Variants in OPN3 observed in about 807,000 individuals in gnomAD.
The protein encoded by OPN3 is opsin 3.
OPN3 carries 29 observed loss-of-function variants against 33.8 expected under a neutral mutation model. The observed-to-expected ratio is 0.86, with a 90% CI of 0.64 to 1.17. OPN3 has a LOEUF of 1.17. OPN3 is among the 50% of genes most tolerant of loss of function. The pLI is 0.00. For synonymous variants in OPN3, 216 were observed against 216.1 expected, an observed-to-expected ratio of 1.00 and a Z score of 0.00; for missense variants, 437 against 514.1, an observed-to-expected ratio of 0.85 and a Z score of 1.45.
chr1:241,636,003 C>T (rs1348294315), intron 1 of OPN3: 6 of 486,848 alleles, frequency 1.2e-5, no homozygotes. Context: ...TGTGTGGTTT[C>T]ATTTCTGCAT....
At chr1:241,619,201 G>A (rs1293972452) in intron 1 of OPN3, among the ~76,000 whole-genome samples, 1 of 152,130 alleles carries the variant, frequency 6.6e-6, no homozygotes, top group Non-Finnish European at 1.5e-5. Flanking sequence ...GTCCCCATCT[G>A]CTGCTCAGTG....
intron 1 of OPN3, among the ~76,000 whole-genome samples, chr1:241,623,249 C>A (rs570059826): frequency 8.5e-5 from 13 of 152,296 alleles, no homozygotes; most frequent in Admixed American, 7.2e-4. Flanking sequence ...TTGCAGTACT[C>A]TCATTCACTC....
At position 241,605,061 on chromosome 1, in the gene OPN3, A is replaced by AT. The variant is rs768720585; in HGVS notation, c.374-483_374-482insA. Among the ~76,000 whole-genome samples, 565 of 132,246 alleles carry AT rather than the reference A, an allele frequency of 4.3e-3. 1 individual carries two copies. The highest frequency in any genetic ancestry group is 0.011 in the African/African-American group (344 of 31,298). 86.8% of individuals were successfully genotyped at this position (132,246 alleles called of 152,430 possible). ...ACAGAGCCAGACCTTATCTCAAAAA[A>AT]AAAAAAAATAAAATAAAATAAAATG... On this transcript the variant is annotated intron_variant, in intron 1 of 3. Transcript: ENST00000366554.
At position 241,601,584 on chromosome 1, in the gene OPN3, T is replaced by C. The variant is rs1345408836; in HGVS notation, c.693+2676A>G. Among the ~76,000 whole-genome samples, 4 of 152,268 alleles carry C rather than the reference T, an allele frequency of 2.6e-5. No individual in the cohort carries two copies. In the East Asian group the frequency reaches 7.7e-4, roughly 29 times the overall value. The stretch of plus-strand genomic sequence containing the variant: ...AGCCAGGCATGGTGGTGGGCACCTG[T>C]AATCCCAGCTACTCAGGAGGCTGAG... On this transcript the variant is annotated intron_variant, in intron 2 of 3. Coordinates refer to ENST00000366554, the MANE Select transcript of OPN3 (RefSeq NM_014322.3).
At chr1:241,623,325 A>G (rs1029586938) in intron 1 of OPN3, among the ~76,000 whole-genome samples, 1 of 152,144 alleles carries the variant, frequency 6.6e-6, no homozygotes, top group African/African-American at 2.4e-5. Flanking sequence ...CCTGACTACT[A>G]TTGCCCTAAT....
intron 1 of OPN3, among the ~76,000 whole-genome samples, chr1:241,609,716 A>C (rs1360639008): frequency 6.6e-6 from 1 of 152,242 alleles, no homozygotes; most frequent in African/African-American, 2.4e-5. Context: ...GATAAAGCTT[A>C]AGTTGGGTCA....
chr1:241,604,696 T>C (rs1341290010), intron 1 of OPN3, 117 bp from the exon 2 acceptor site: 1 of 909,024 alleles, frequency 1.1e-6, no homozygotes, highest in Admixed American at 2.9e-5. Flanking sequence ...GATAGAGTGC[T>C]CTCAAAGCCA....
At chr1:241,624,510 T>C (rs1382097164) in intron 1 of OPN3, among the ~76,000 whole-genome samples, 2 of 152,218 alleles carry the variant, frequency 1.3e-5, no homozygotes, top group Non-Finnish European at 2.9e-5. Flanking sequence ...TCTGTTTATA[T>C]ACTGCAGAAA....
At chr1:241,612,120 T>C (rs758230982) in intron 1 of OPN3, among the ~76,000 whole-genome samples, 2 of 152,206 alleles carry the variant, frequency 1.3e-5, no homozygotes, top group African/African-American at 2.4e-5. Context: ...AATTTGGAAG[T>C]GAAGATGATT....
At chr1:241,620,298 C>T (rs1664241306) in intron 1 of OPN3, among the ~76,000 whole-genome samples, 1 of 152,178 alleles carries the variant, frequency 6.6e-6, no homozygotes, top group Non-Finnish European at 1.5e-5. Flanking sequence ...ATGCAATTAA[C>T]TTTAATAACA....
chr1:241,632,684 T>G (rs1350454936), intron 1 of OPN3: 1 of 152,102 alleles, frequency 6.6e-6, no homozygotes, highest in East Asian at 1.9e-4. Flanking sequence ...ATTTGTTAAG[T>G]GGGACACAAC....
Position 241,602,586 on chromosome 1 carries a change from G to A in OPN3, c.693+1674C>T, listed in dbSNP as rs149457975. Among the ~76,000 whole-genome samples, 19 of 152,256 alleles carry A rather than the reference G, an allele frequency of 1.2e-4. No individual in the cohort carries two copies. In the East Asian group the frequency reaches 3.5e-3, roughly 28 times the overall value. On this transcript the variant is annotated intron_variant, in intron 2 of 3. Transcript: ENST00000366554. ...CCTCTCTTGACTGTTATCTCACTGTGTGCTTCCATGTTCTCTTATTTATGC... is the reference window on the plus strand; with the variant it reads ...CCTCTCTTGACTGTTATCTCACTGTATGCTTCCATGTTCTCTTATTTATGC...
chr1:241,604,335 TAAG>T lies in OPN3; in HGVS notation c.615_617del (p.Phe205del). 6.2e-7 allele frequency: 1 copy of T among 1,614,090 alleles called. No homozygotes were observed. Among genetic ancestry groups the T allele is most frequent in the Middle Eastern group, 1.6e-4 (1 of 6,062 alleles). On this transcript the variant is annotated inframe_deletion, in exon 2 of 4. Coordinates refer to ENST00000366554, the MANE Select transcript of OPN3 (RefSeq NM_014322.3). ...GGGGCACCACCAGGCAGCCAAGAAA[TAAG>T]AAAAGCACAAAGGAGGAATCGTTGG...
intron 3 of OPN3, chr1:241,595,306 G>A (rs1333457640): frequency 6.6e-6 from 1 of 152,296 alleles, no homozygotes; most frequent in African/African-American, 2.4e-5. Context: ...CCTCTCTGCT[G>A]TTCCTCTCTA....
At chr1:241,623,903 C>T (rs181739164) in intron 1 of OPN3, among the ~76,000 whole-genome samples, 29 of 152,366 alleles carry the variant, frequency 1.9e-4, no homozygotes, top group Non-Finnish European at 3.2e-4. Context: ...TCCACAGTAC[C>T]TCATCCGCTG....
intron 1 of OPN3, among the ~76,000 whole-genome samples, chr1:241,616,278 A>G (rs1664126535): frequency 6.6e-6 from 1 of 152,110 alleles, no homozygotes; most frequent in Admixed American, 6.5e-5. Flanking sequence ...GTGCTAAGAT[A>G]ATCATCTTAT....
intron 1 of OPN3, among the ~76,000 whole-genome samples, chr1:241,617,776 T>C (rs1373764240): frequency 6.6e-6 from 1 of 152,218 alleles, no homozygotes; most frequent in Non-Finnish European, 1.5e-5. Context: ...AAGAAGCTTG[T>C]CATATATAAC....
At chr1:241,633,807 G>C in intron 1 of OPN3, 1 of 1,613,414 alleles carries the variant, frequency 6.2e-7, no homozygotes, top group East Asian at 2.2e-5. Context: ...TAATTTTGAA[G>C]GTGCTTCTCT....
intron 1 of OPN3, among the ~76,000 whole-genome samples, chr1:241,612,505 G>T (rs1664023733): frequency 6.6e-6 from 1 of 151,952 alleles, no homozygotes; most frequent in South Asian, 2.1e-4. Context: ...AATTAATCAA[G>T]GAAAAAAGGA....
Sources: gnomAD v4.1 joint callset for allele counts (sites outside exome capture counted in the v4.1 genomes callset) on GRCh38, gnomAD v4.1.1 for gene constraint, MANE v1.5 for transcripts, NCBI Gene and HGNC (gene_info 2026-07-23, HGNC 2026-07-21) for gene names.